GRID2: variants seen among roughly 807,000 people sequenced by gnomAD.
GRID2 encodes the protein glutamate ionotropic receptor delta type subunit 2.
Under a neutral mutation model 114.8 loss-of-function variants are expected in GRID2, and 33 were observed. That is an observed-to-expected ratio of 0.29 (90% CI 0.22 to 0.38). The LOEUF is 0.38. Among genes scored for constraint, GRID2 ranks in the 10% least tolerant of loss-of-function variants. The pLI is 1.00. For missense variants in GRID2, 1,184 were observed against 1,257.7 expected (o/e 0.94, Z 0.89); for synonymous variants, 505 against 449.9 (o/e 1.12, Z -1.55).
intron 1 of GRID2, among the ~76,000 whole-genome samples, chr4:92,568,652 A>G (rs776435092): frequency 3.9e-5 from 6 of 152,020 alleles, no homozygotes; most frequent in Middle Eastern, 6.8e-3. Context: ...GGTTTGTTCT[A>G]CAGATTATTT....
chr4:93,528,414 A>ATT (rs760578146), intron 13 of GRID2, among the ~76,000 whole-genome samples: 52 of 133,636 alleles, frequency 3.9e-4, no homozygotes, highest in South Asian at 9.7e-4. Flanking sequence ...CAAGAGTTCC[A>ATT]TTTTTTTTTT....
At chr4:92,733,648 C>A (rs899751707) in intron 2 of GRID2, among the ~76,000 whole-genome samples, 2 of 152,090 alleles carry the variant, frequency 1.3e-5, no homozygotes, top group Non-Finnish European at 2.9e-5. Flanking sequence ...GGCATCTGTT[C>A]CTCTTGCTCA....
intron 8 of GRID2, among the ~76,000 whole-genome samples, chr4:93,326,997 A>G (rs1488635978): frequency 6.6e-6 from 1 of 151,820 alleles, no homozygotes; most frequent in Non-Finnish European, 1.5e-5. Context: ...ATATTTTTTG[A>G]TATCTTAATG....
chr4:92,868,778 A>G (rs968987717), intron 2 of GRID2, among the ~76,000 whole-genome samples: 2 of 152,080 alleles, frequency 1.3e-5, no homozygotes, highest in Non-Finnish European at 2.9e-5. Flanking sequence ...TATTAATTTC[A>G]TGAACTAACT....
chr4:93,203,291 T>A (rs1055214938), intron 4 of GRID2, among the ~76,000 whole-genome samples: 5 of 152,178 alleles, frequency 3.3e-5, no homozygotes, highest in Non-Finnish European at 5.9e-5. Context: ...AATGGAAGAA[T>A]TAACTTTCTG....
At chr4:93,208,589 C>T (rs1004725682) in intron 5 of GRID2, among the ~76,000 whole-genome samples, 5 of 151,946 alleles carry the variant, frequency 3.3e-5, no homozygotes, top group Admixed American at 6.6e-5. Flanking sequence ...AAATTATTTT[C>T]CTCTTTTTAC....
intron 14 of GRID2, among the ~76,000 whole-genome samples, chr4:93,690,023 T>G (rs1210937234): frequency 1.3e-5 from 2 of 152,152 alleles, no homozygotes; most frequent in African/African-American, 4.8e-5. Context: ...TTAATAGGAG[T>G]GTATACATAA....
At chr4:92,507,089 T>C (rs1166928368) in intron 1 of GRID2, among the ~76,000 whole-genome samples, 1 of 151,944 alleles carries the variant, frequency 6.6e-6, no homozygotes, top group Non-Finnish European at 1.5e-5. Flanking sequence ...TCTCTATTCT[T>C]CACTGTCAAT....
intron 7 of GRID2, among the ~76,000 whole-genome samples, chr4:93,232,719 A>AAG (rs1746288217): frequency 6.6e-6 from 1 of 151,924 alleles, no homozygotes; most frequent in Non-Finnish European, 1.5e-5. Context: ...ACATTTTCTT[A>AAG]TATTGATATA....
At chr4:93,268,667 A>G (rs567207633) in intron 8 of GRID2, among the ~76,000 whole-genome samples, 27 of 152,318 alleles carry the variant, frequency 1.8e-4, no homozygotes, top group African/African-American at 5.8e-4. Context: ...CTCAGGCTAG[A>G]GGGATCACAG....
chr4:93,244,489 CTATTAATTAATA>C (rs1747919420), intron 8 of GRID2, among the ~76,000 whole-genome samples: 1 of 131,646 alleles, frequency 7.6e-6, no homozygotes, highest in Non-Finnish European at 1.6e-5. Flanking sequence ...ATTATATAAT[CTATTAATTAATA>C]GATTATATAA....
intron 1 of GRID2, among the ~76,000 whole-genome samples, chr4:92,412,304 T>C (rs1731377766): frequency 6.6e-6 from 1 of 152,176 alleles, no homozygotes; most frequent in Non-Finnish European, 1.5e-5. Context: ...ATTTATTGCA[T>C]ATTTTTAAAG....
chr4:93,009,238 C>T, intron 2 of GRID2, among the ~76,000 whole-genome samples: 1 of 152,110 alleles, frequency 6.6e-6, no homozygotes, highest in East Asian at 1.9e-4. Context: ...TACACATGGC[C>T]TTCTAATCAC....
intron 1 of GRID2, among the ~76,000 whole-genome samples, chr4:92,532,576 G>A (rs973265268): frequency 1.6e-4 from 24 of 151,994 alleles, no homozygotes; most frequent in African/African-American, 4.8e-4. Context: ...ATAATTGCCC[G>A]TGTGTAGAAT....
chr4:93,251,971 A>T (rs1012952589), intron 8 of GRID2, among the ~76,000 whole-genome samples: 1 of 152,150 alleles, frequency 6.6e-6, no homozygotes, highest in Admixed American at 6.6e-5. Flanking sequence ...AAATAGAGCA[A>T]TTTATATTCC....
In GRID2 at chr4:92,864,596, G is replaced by A. The variant is rs558927090; in HGVS notation, c.245-220399G>A. ...AGCAACAAAATACTACTGCAGATAT[G>A]AACTACATAAACCACACCCTATTGC... On this transcript the variant is annotated intron_variant, in intron 2 of 15. Coordinates refer to ENST00000282020, the MANE Select transcript of GRID2 (RefSeq NM_001510.4). Among the ~76,000 whole-genome samples, 11 of 152,296 alleles carry A rather than the reference G, an allele frequency of 7.2e-5. No homozygotes were observed. The South Asian group carries it at 1.2e-3, about 17-fold the overall frequency.
chr4:93,414,368 T>A (rs1767496827), intron 9 of GRID2, among the ~76,000 whole-genome samples: 5 of 152,052 alleles, frequency 3.3e-5, no homozygotes, highest in Admixed American at 3.3e-4. Context: ...CCTATCTTAG[T>A]CAAAGTAACA....
At chr4:93,531,008 T>C (rs1731384553) in intron 13 of GRID2, among the ~76,000 whole-genome samples, 1 of 152,194 alleles carries the variant, frequency 6.6e-6, no homozygotes, top group African/African-American at 2.4e-5. Flanking sequence ...TTCAATTCAG[T>C]TTAAATGCTA....
At chr4:92,666,279 A>C (rs1222096553) in intron 2 of GRID2, among the ~76,000 whole-genome samples, 1 of 151,530 alleles carries the variant, frequency 6.6e-6, no homozygotes, top group Non-Finnish European at 1.5e-5. Context: ...TACTCTATTT[A>C]TATTTTCATT....
Sources: gnomAD v4.1 joint callset for allele counts (sites outside exome capture counted in the v4.1 genomes callset) on GRCh38, gnomAD v4.1.1 for gene constraint, MANE v1.5 for transcripts, NCBI Gene and HGNC (gene_info 2026-07-23, HGNC 2026-07-21) for gene names.